The following ELAC1 variants were observed in gnomAD, a reference collection of about 807,000 sequenced individuals.
ELAC1 encodes elaC ribonuclease Z 1.
In ELAC1, 19 loss-of-function variants were observed where a neutral mutation model predicts 25.8. The ratio of observed to expected loss-of-function variants is 0.74; its 90% CI spans 0.51 to 1.08. ELAC1 has a LOEUF of 1.08. ELAC1 is among the 50% of genes least tolerant of loss of function. The pLI, the probability that ELAC1 is intolerant of heterozygous loss-of-function variation, is 0.00. For synonymous variants in ELAC1, 148 were observed against 160.9 expected (o/e 0.92, Z 0.61); for missense variants, 403 against 434.6 (o/e 0.93, Z 0.65).
Position 50,974,394 on chromosome 18 carries a change from C to A in ELAC1, c.-8-3C>A. The A allele has an allele frequency of 6.6e-7, 1 of 1,512,448 alleles. No homozygotes were observed. The highest frequency in any genetic ancestry group is 1.3e-5 in the South Asian group (1 of 74,440). The allele number at this position is 1,512,448 out of a possible 1,614,324, so 93.7% of individuals were successfully genotyped here. On this transcript the variant is annotated splice_polypyrimidine_tract_variant and splice_region_variant and intron_variant, in intron 1 of 3. Coordinates refer to ENST00000269466, the MANE Select transcript of ELAC1 (RefSeq NM_018696.3). The stretch of plus-strand genomic sequence containing the variant: ...TAATCCCCAGATGATCTTTCTGTTG[C>A]AGGGTGGAAGATGTCTATGGATGTG...
chr18:50,979,873 C>T (rs561605325), intron 2 of ELAC1, among the ~76,000 whole-genome samples: 2 of 152,176 alleles, frequency 1.3e-5, no homozygotes, highest in South Asian at 2.1e-4. Context: ...ATTACAGGCA[C>T]ATACCATGAC....
At chr18:50,971,514 A>T (rs2144306911) in intron 1 of ELAC1, among the ~76,000 whole-genome samples, 1 of 152,222 alleles carries the variant, frequency 6.6e-6, no homozygotes, top group Middle Eastern at 3.4e-3. Context: ...TGGCCTCCTG[A>T]AAAGCTGGGA....
At chr18:50,986,011 CTTT>C (rs34348056) in intron 3 of ELAC1, among the ~76,000 whole-genome samples, 61 of 85,054 alleles carry the variant, frequency 7.2e-4, no homozygotes, top group South Asian at 5.1e-3. Context: ...TTGATTATAT[CTTT>C]TTTTTTTTTT....
intron 2 of ELAC1, among the ~76,000 whole-genome samples, chr18:50,978,223 A>G (rs945581923): frequency 3.3e-5 from 5 of 152,126 alleles, no homozygotes; most frequent in Non-Finnish European, 7.4e-5. Flanking sequence ...TTCCAAAGTC[A>G]CTTCCACATT....
intron 2 of ELAC1, 105 bp downstream of exon 2, chr18:50,974,666 C>G: frequency 9.2e-7 from 1 of 1,085,684 alleles, no homozygotes; most frequent in Non-Finnish European, 1.4e-6. Flanking sequence ...ATGGTTGCAT[C>G]CCACTTCAGT....
intron 2 of ELAC1, 24 bp from the exon 3 acceptor site, chr18:50,984,072 G>T: frequency 2.7e-6 from 4 of 1,501,200 alleles, no homozygotes; most frequent in Non-Finnish European, 2.7e-6. Context: ...ATTTCCAAAC[G>T]TATTTCTCTA....
intron 2 of ELAC1, among the ~76,000 whole-genome samples, chr18:50,975,788 T>C (rs1463574090): frequency 6.6e-6 from 1 of 152,108 alleles, no homozygotes; most frequent in African/African-American, 2.4e-5. Flanking sequence ...ATCAATCATG[T>C]AATGTGATAA....
At position 50,986,710 on chromosome 18, in the gene ELAC1, A is replaced by T. The variant is rs201796024; in HGVS notation, c.717A>T (p.Leu239Phe). The T allele has an allele frequency of 3.2e-5, 52 of 1,614,142 alleles. No homozygotes were observed. In the East Asian group the frequency reaches 6.5e-4, roughly 20 times the overall value. ...NGVTISPQDV[L>F]KKPIVGRKIC... ...TTACAATTTCTCCCCAAGATGTCTT[A>T]AAAAAGCCTATTGTTGGAAGAAAAA... is the stretch of plus-strand genomic sequence containing the variant. Residue 239 changes from leucine (L) to phenylalanine (F), a missense_variant, in exon 4 of 4, where the codon TTA (leucine) becomes TTT (phenylalanine). Coordinates refer to ENST00000269466, the MANE Select transcript of ELAC1 (RefSeq NM_018696.3).
chr18:50,986,138 G>A (rs1908104226), intron 3 of ELAC1, among the ~76,000 whole-genome samples: 1 of 150,402 alleles, frequency 6.6e-6, no homozygotes, highest in Admixed American at 6.7e-5. Context: ...TTGTGCCTTG[G>A]CCTCCCATAT....
chr18:50,984,570 G>A lies in ELAC1; in HGVS notation c.625+7G>A, dbSNP rs370756396. 1.9e-6 allele frequency: 3 copies of A among 1,597,668 alleles called. No individual in the cohort carries two copies. The highest frequency in any genetic ancestry group is 1.4e-5 in the African/African-American group (1 of 74,002). On this transcript the variant is annotated splice_region_variant and intron_variant, in intron 3 of 3. Transcript: ENST00000269466. ...CAGAAACTTAAAGACCTTGGTAAGT[G>A]TTTTTTTGTTTTTTGTTTTTTCCCG...
Position 50,974,547 on chromosome 18 carries a change from G to A in ELAC1, c.143G>A (p.Ser48Asn). Residue 48 changes from serine (S) to asparagine (N), a missense_variant, in exon 2 of 4, where the codon AGC (serine) becomes AAC (asparagine). Ser to Asn is a conservative substitution (Grantham distance 46, BLOSUM62 1). Coordinates refer to ENST00000269466, the MANE Select transcript of ELAC1 (RefSeq NM_018696.3). ...GGAACACAGACACAGCTTATGAAAA[G>A]CCAACTTAAAGCAGGTTAGTGTGCC... ...GEGTQTQLMK[S>N]QLKAGRITKI... The A allele has an allele frequency of 1.2e-6, 2 of 1,613,956 alleles. No individual in the cohort carries two copies. Among genetic ancestry groups the A allele is most frequent in the South Asian group, 2.2e-5 (2 of 91,072 alleles).
At chr18:50,980,122 G>A (rs1907905219) in intron 2 of ELAC1, among the ~76,000 whole-genome samples, 1 of 151,984 alleles carries the variant, frequency 6.6e-6, no homozygotes, top group South Asian at 2.1e-4. Flanking sequence ...AAGATCACTT[G>A]AGGCCAGGAG....
rs999152955 is a variant in ELAC1 at position 50,968,074 on chromosome 18, C to G, written c.-49C>G. ...CGGACAGCTGGGCCAGGGTGCGGGC[C>G]TGCGCCTCCCTCGGCTCCTGGCGCG... On this transcript the variant is annotated 5_prime_UTR_variant, in exon 1 of 4. Transcript: ENST00000269466. 15 of 152,026 alleles carry G rather than the reference C, an allele frequency of 9.9e-5. No individual in the cohort carries two copies. Among genetic ancestry groups the G allele is most frequent in the African/African-American group, 2.9e-4 (12 of 41,410 alleles). 9.4% of individuals were successfully genotyped at this position (152,026 alleles called of 1,614,324 possible).
intron 2 of ELAC1, among the ~76,000 whole-genome samples, chr18:50,977,773 T>C (rs1311463800): frequency 6.6e-6 from 1 of 152,264 alleles, no homozygotes; most frequent in Non-Finnish European, 1.5e-5. Flanking sequence ...TGAACTTTTA[T>C]GCTCTGGTTC....
intron 1 of ELAC1, among the ~76,000 whole-genome samples, chr18:50,973,125 G>C (rs561388301): frequency 6.6e-5 from 10 of 152,216 alleles, no homozygotes; most frequent in Middle Eastern, 6.8e-3. Context: ...TCTTAGAATG[G>C]GTTTTTCCCC....
chr18:50,979,788 G>A (rs1907893473), intron 2 of ELAC1, among the ~76,000 whole-genome samples: 1 of 151,980 alleles, frequency 6.6e-6, no homozygotes, highest in South Asian at 2.1e-4. Context: ...GTGCAGTGGT[G>A]CGATCTCGGC....
chr18:50,981,907 C>T (rs761821493), intron 2 of ELAC1, among the ~76,000 whole-genome samples: 20 of 142,354 alleles, frequency 1.4e-4, no homozygotes, highest in Non-Finnish European at 2.4e-4. Context: ...AGTGCAATGG[C>T]GTGATCTCGG....
At chr18:50,980,925 T>C (rs1053521697) in intron 2 of ELAC1, among the ~76,000 whole-genome samples, 3 of 152,114 alleles carry the variant, frequency 2.0e-5, no homozygotes, top group Non-Finnish European at 4.4e-5. Flanking sequence ...TAACCTATTA[T>C]GGACCTATCA....
intron 3 of ELAC1, 78 bp downstream of exon 3, chr18:50,984,641 T>C: frequency 9.1e-7 from 1 of 1,097,936 alleles, no homozygotes; most frequent in Non-Finnish European, 1.3e-6. Context: ...ATAAGAAATG[T>C]CATAGTAAGG....
Sources: gnomAD v4.1 joint callset for allele counts (sites outside exome capture counted in the v4.1 genomes callset) on GRCh38, gnomAD v4.1.1 for gene constraint, MANE v1.5 for transcripts, NCBI Gene and HGNC (gene_info 2026-07-23, HGNC 2026-07-21) for gene names.